Variants in PLA2G4F observed in about 807,000 individuals in gnomAD.
The protein encoded by PLA2G4F is phospholipase A2 group IVF.
PLA2G4F carries 105 observed loss-of-function variants against 103.1 expected under a neutral mutation model. That is an observed-to-expected ratio of 1.02 (90% CI 0.87 to 1.20). PLA2G4F has a LOEUF of 1.20. PLA2G4F is among the 50% of genes most tolerant of loss of function. The probability of loss-of-function intolerance (pLI) is 0.00; values close to 1 mark genes in which losing one functional copy is unlikely to be tolerated. For missense variants in PLA2G4F, 1,155 were observed against 1,075.9 expected, an observed-to-expected ratio of 1.07 and a Z score of -1.03; for synonymous variants, 468 against 441.1, an observed-to-expected ratio of 1.06 and a Z score of -0.76.
At chr15:42,155,790 C>G (rs1348084719) in intron 1 of PLA2G4F, among the ~76,000 whole-genome samples, 1 of 152,156 alleles carries the variant, frequency 6.6e-6, no homozygotes, top group Non-Finnish European at 1.5e-5. Flanking sequence ...TGGAACCCAT[C>G]CGGTCTGGGT....
chr15:42,145,711 C>T lies in PLA2G4F; in HGVS notation c.1673-29G>A, dbSNP rs1014370313. The T allele has an allele frequency of 1.5e-5, 24 of 1,613,548 alleles. No individual in the cohort carries two copies. The Middle Eastern group carries it at 4.9e-4, about 33-fold the overall frequency. On this transcript the variant is annotated intron_variant, in intron 15 of 19. Coordinates refer to ENST00000397272, the MANE Select transcript of PLA2G4F (RefSeq NM_213600.4). ...AGGAGACAGGCAGGCCCCCACCCCA[C>T]GTCAGGGCCTGGCCCCGGCACCTGC...
chr15:42,148,145 G>A (rs1443103229), intron 11 of PLA2G4F, among the ~76,000 whole-genome samples: 1 of 141,810 alleles, frequency 7.1e-6, no homozygotes, highest in Non-Finnish European at 1.5e-5. Context: ...TTTCACCACT[G>A]CACTCCAGCC....
Position 42,141,763 on chromosome 15 carries a change from C to T in PLA2G4F, c.*221G>A, listed in dbSNP as rs548871693. On this transcript the variant is annotated 3_prime_UTR_variant, in exon 20 of 20. Transcript: ENST00000397272. ...CCTACATCCCCAAGAGTCCCTGGAG[C>T]GATCTACTGCCCATCTTCTCCAAAA... 11 of 618,988 alleles carry T rather than the reference C, an allele frequency of 1.8e-5. No individual in the cohort carries two copies. Among genetic ancestry groups the T allele is most frequent in the Admixed American group, 5.0e-5 (2 of 40,048 alleles). The allele number at this position is 618,988 out of a possible 1,614,324, so 38.3% of individuals were successfully genotyped here. A position where few individuals can be genotyped will look rare whatever the true frequency, so the allele number is the denominator to read the frequency against.
intron 13 of PLA2G4F, 128 bp downstream of exon 13, chr15:42,146,996 C>G: frequency 2.1e-6 from 2 of 944,004 alleles, no homozygotes; most frequent in South Asian, 3.3e-5. Flanking sequence ...ACTCCTGGCC[C>G]CAGGGGAGCC....
intron 13 of PLA2G4F, chr15:42,146,857 G>A (rs1049880285): frequency 3.7e-5 from 16 of 436,100 alleles, no homozygotes; most frequent in Non-Finnish European, 6.3e-5. Flanking sequence ...GCCGAGGCAT[G>A]GGTGTGTTTG....
At chr15:42,155,610 G>T (rs1266406941) in intron 1 of PLA2G4F, 21 bp from the exon 2 acceptor site, 2 of 1,611,122 alleles carry the variant, frequency 1.2e-6, no homozygotes, top group Non-Finnish European at 1.7e-6. Context: ...AGAACTCCAG[G>T]GACTCAGTCA....
In PLA2G4F at chr15:42,154,443, C is replaced by A. The variant is rs557368338; in HGVS notation, c.200G>T (p.Cys67Phe). ...CGTGGGCAGCCACAGTTGCACATAG[C>A]AGTCGGCTTTGGACACTGCAGGTAG... ...RGTDLLSKADCYVQLWLPTAS... is the reference protein window; with the variant it reads ...RGTDLLSKADFYVQLWLPTAS... The change falls in exon 3 of 20, where the codon TGC becomes TTC. Residue 67 changes from cysteine to phenylalanine, a missense_variant. Cys to Phe is a radical substitution (Grantham distance 205, BLOSUM62 -2). Around this residue, in one of 3 missense-constraint regions of PLA2G4F, gnomAD observed 370 missense variants for 364.9 expected, o/e 1.01. Transcript: ENST00000397272. The A allele has an allele frequency of 1.4e-5, 23 of 1,598,442 alleles. No individual in the cohort carries two copies. In the Admixed American group the frequency reaches 2.9e-4, roughly 20 times the overall value.
chr15:42,142,288 A>AG, intron 19 of PLA2G4F, 84 bp from the exon 20 acceptor site: 1 of 1,352,602 alleles, frequency 7.4e-7, no homozygotes, highest in African/African-American at 1.5e-5. Flanking sequence ...TTCCTTGTGC[A>AG]GGACACCTGG....
intron 16 of PLA2G4F, among the ~76,000 whole-genome samples, chr15:42,145,226 G>A (rs1241069917): frequency 3.3e-5 from 5 of 152,194 alleles, no homozygotes; most frequent in Non-Finnish European, 5.9e-5. Context: ...GAAGAACAGA[G>A]CAAAAGTGAT....
intron 1 of PLA2G4F, among the ~76,000 whole-genome samples, chr15:42,156,111 GAT>G (rs1168722507): frequency 1.3e-5 from 2 of 152,054 alleles, no homozygotes; most frequent in African/African-American, 4.8e-5. Context: ...GCTTAGGAGA[GAT>G]AACATCAGCA....
intron 1 of PLA2G4F, 105 bp downstream of exon 1, chr15:42,156,334 C>T (rs1595626948): frequency 1.2e-6 from 1 of 868,182 alleles, no homozygotes; most frequent in African/African-American, 1.8e-5. Flanking sequence ...CAGGTCCCAC[C>T]CCAACTCAAA....
chr15:42,147,566 T>G (rs2048906554), intron 12 of PLA2G4F, 60 bp downstream of exon 12: 1 of 1,579,452 alleles, frequency 6.3e-7, no homozygotes, highest in Non-Finnish European at 8.7e-7. Context: ...GATCACCAGG[T>G]CACAACCCCA....
At position 42,147,759 on chromosome 15, in the gene PLA2G4F, G is replaced by C. The variant is rs546219139; in HGVS notation, c.1063C>G (p.Pro355Ala). 20 of 1,613,390 alleles carry C rather than the reference G, an allele frequency of 1.2e-5. No individual in the cohort carries two copies. The highest frequency in any genetic ancestry group is 1.6e-5 in the Non-Finnish European group (19 of 1,179,714). ...CCGGAACCCAACACAGCCACTACAG[G>C]CACCTGGGTACAATAATAACAAGGA... ...LSEALDSGQV[P>A]VVAVLGSGGG... The change falls in exon 12 of 20, where the codon CCT becomes GCT. Residue 355 changes from proline to alanine, a missense_variant. Pro to Ala is a conservative substitution (Grantham distance 27, BLOSUM62 -1). Around this residue, in one of 3 missense-constraint regions of PLA2G4F, gnomAD observed 782 missense variants for 692.9 expected, o/e 1.13. Transcript: ENST00000397272.
At position 42,141,598 on chromosome 15, in the gene PLA2G4F, C is replaced by CT. The variant is rs1315820580; in HGVS notation, c.*385dup. 4 of 468,826 alleles carry CT rather than the reference C, an allele frequency of 8.5e-6. No homozygotes were observed. The highest frequency in any genetic ancestry group is 1.7e-5 in the Non-Finnish European group (4 of 236,260). The allele number at this position is 468,826 out of a possible 1,614,324, so 29.0% of individuals were successfully genotyped here. ...ATCTCAGTGTAAGGAGGACAGCTGGCTTCTCAGTGCCCTCAGCCCCTGTTC... is the reference window on the plus strand; with the variant it reads ...ATCTCAGTGTAAGGAGGACAGCTGGCTTTCTCAGTGCCCTCAGCCCCTGTTC... On this transcript the variant is annotated 3_prime_UTR_variant, in exon 20 of 20. Transcript: ENST00000397272.
chr15:42,142,238 T>G (rs1196284959), intron 19 of PLA2G4F, 34 bp from the exon 20 acceptor site: 2 of 1,568,102 alleles, frequency 1.3e-6, no homozygotes, highest in East Asian at 4.5e-5. Flanking sequence ...GAGGCCAGGA[T>G]GGAGCCCTCT....
rs879037822 is a variant in PLA2G4F at position 42,150,021 on chromosome 15, G to T, written c.923+83C>A. The T allele has an allele frequency of 9.4e-6, 15 of 1,591,490 alleles. No homozygotes were observed. In the South Asian group the frequency reaches 1.5e-4, roughly 16 times the overall value. ...CCCACCCCACGGCCTGAGCTTCTTG[G>T]GCAAGAGAATGGAGCACGTTGGGGT... On this transcript the variant is annotated intron_variant, in intron 10 of 19. Transcript: ENST00000397272.
intron 15 of PLA2G4F, 24 bp from the exon 16 acceptor site, chr15:42,145,706 C>A: frequency 1.2e-6 from 2 of 1,613,728 alleles, no homozygotes. Flanking sequence ...CAGGCCCCCA[C>A]CCCACGTCAG....
At chr15:42,150,005 C>T (rs1400162878) in intron 10 of PLA2G4F, 99 bp downstream of exon 10, 28 of 1,566,964 alleles carry the variant, frequency 1.8e-5, no homozygotes, top group East Asian at 2.3e-5. Context: ...CCCCACCCCA[C>T]GGCCTGAGCT....
In PLA2G4F at chr15:42,140,285, G is replaced by C. The variant is rs74720613; in HGVS notation, c.*1699C>G. The stretch of plus-strand genomic sequence containing the variant: ...CAGATGGTAGAATGACTTTCTAGGA[G>C]CCAGAGACAGCCTGAGGCTCTAATG... On this transcript the variant is annotated 3_prime_UTR_variant, in exon 20 of 20. Coordinates refer to ENST00000397272, the MANE Select transcript of PLA2G4F (RefSeq NM_213600.4). 2.0e-5 allele frequency: 3 copies of C among 152,240 alleles called. No individual in the cohort carries two copies. Among genetic ancestry groups the C allele is most frequent in the Non-Finnish European group, 4.4e-5 (3 of 68,080 alleles). 9.4% of individuals were successfully genotyped at this position (152,240 alleles called of 1,614,324 possible). A position where few individuals can be genotyped will look rare whatever the true frequency, so the allele number is the denominator to read the frequency against.
Sources: gnomAD v4.1 joint callset for allele counts (sites outside exome capture counted in the v4.1 genomes callset) on GRCh38, gnomAD v4.1.1 for gene constraint, gnomAD v4.1.1 regional missense constraint, MANE v1.5 for transcripts, NCBI Gene and HGNC (gene_info 2026-07-23, HGNC 2026-07-21) for gene names.